Variants in PPM1L observed in about 807,000 individuals in gnomAD.
PPM1L encodes the protein protein phosphatase, Mg2+/Mn2+ dependent 1L, also known as protein phosphatase 1L.
In PPM1L, 13 loss-of-function variants were observed where a neutral mutation model predicts 31.4. The observed-to-expected ratio is 0.41, with a 90% CI of 0.27 to 0.66. The LOEUF (loss-of-function observed/expected upper bound fraction) is 0.66, where lower values mean the gene tolerates loss of function less well. Among genes scored for constraint, PPM1L ranks in the 30% least tolerant of loss-of-function variants. The probability of loss-of-function intolerance (pLI) is 0.29; values close to 1 mark genes in which losing one functional copy is unlikely to be tolerated. For synonymous variants in PPM1L, 184 were observed against 175.4 expected, an observed-to-expected ratio of 1.05 and a Z score of -0.39; for missense variants, 326 against 453.7, an observed-to-expected ratio of 0.72 and a Z score of 2.56.
intron 1 of PPM1L, among the ~76,000 whole-genome samples, chr3:160,910,071 G>A (rs1344044664): frequency 2.0e-5 from 3 of 152,124 alleles, no homozygotes; most frequent in Non-Finnish European, 2.9e-5. Context: ...TGAAAGAAGG[G>A]TCTGGCTGTT....
rs1356102310 is a variant in PPM1L at position 161,077,101 on chromosome 3, A to G, written c.*7944A>G. The G allele has an allele frequency of 1.3e-5, 2 of 152,232 alleles. No homozygotes were observed. The highest frequency in any genetic ancestry group is 2.9e-5 in the Non-Finnish European group (2 of 68,044). 9.4% of individuals were successfully genotyped at this position (152,232 alleles called of 1,614,324 possible). A position where few individuals can be genotyped will look rare whatever the true frequency, so the allele number is the denominator to read the frequency against. On this transcript the variant is annotated 3_prime_UTR_variant, in exon 4 of 4. Coordinates refer to ENST00000498165, the MANE Select transcript of PPM1L (RefSeq NM_139245.4). Reference sequence around the variant, plus strand: ...ACCCTATTGGGGTGTCAGAGATATTATAACACTCAATATTGACCCAATGGG... The same window carrying G: ...ACCCTATTGGGGTGTCAGAGATATTGTAACACTCAATATTGACCCAATGGG...
At chr3:160,917,125 A>G (rs1252361738) in intron 1 of PPM1L, among the ~76,000 whole-genome samples, 1 of 152,182 alleles carries the variant, frequency 6.6e-6, no homozygotes, top group Non-Finnish European at 1.5e-5. Flanking sequence ...GTCTTCCACA[A>G]CTTCATGTAA....
intron 1 of PPM1L, among the ~76,000 whole-genome samples, chr3:160,953,297 T>C (rs545798793): frequency 6.6e-6 from 1 of 152,322 alleles, no homozygotes; most frequent in East Asian, 1.9e-4. Context: ...ATAAAATTGC[T>C]TACTATTCAC....
chr3:161,045,489 A>G (rs1327660705), intron 2 of PPM1L, among the ~76,000 whole-genome samples: 2 of 152,234 alleles, frequency 1.3e-5, no homozygotes, highest in African/African-American at 4.8e-5. Flanking sequence ...GTTCAACTAC[A>G]TGGAAACTGA....
At chr3:160,882,064 A>AG (rs1712740638) in intron 1 of PPM1L, among the ~76,000 whole-genome samples, 1 of 151,954 alleles carries the variant, frequency 6.6e-6, no homozygotes. Flanking sequence ...AAAAAAAAAA[A>AG]AGTATGTATT....
At chr3:160,845,125 T>A (rs1439340203) in intron 1 of PPM1L, among the ~76,000 whole-genome samples, 1 of 152,198 alleles carries the variant, frequency 6.6e-6, no homozygotes, top group Non-Finnish European at 1.5e-5. Context: ...AATATGAATA[T>A]ATAAGATTTT....
chr3:160,946,878 C>G (rs1715426920), intron 1 of PPM1L, among the ~76,000 whole-genome samples: 1 of 152,136 alleles, frequency 6.6e-6, no homozygotes, highest in Non-Finnish European at 1.5e-5. Flanking sequence ...TCAATTGATG[C>G]TATTTTAGCC....
chr3:160,777,058 C>T (rs746264771), intron 1 of PPM1L, among the ~76,000 whole-genome samples: 1 of 151,942 alleles, frequency 6.6e-6, no homozygotes, highest in East Asian at 1.9e-4. Context: ...CATGGTGGCT[C>T]ATGCCTGTAA....
intron 1 of PPM1L, among the ~76,000 whole-genome samples, chr3:160,817,343 T>C (rs1713028431): frequency 6.6e-6 from 1 of 152,000 alleles, no homozygotes; most frequent in Non-Finnish European, 1.5e-5. Flanking sequence ...AAGGACAAAA[T>C]GGACTGGAAG....
chr3:160,941,993 A>C (rs1045744914), intron 1 of PPM1L, among the ~76,000 whole-genome samples: 1 of 152,232 alleles, frequency 6.6e-6, no homozygotes, highest in African/African-American at 2.4e-5. Flanking sequence ...ACAGTTGCTC[A>C]TGTAGTAGAC....
rs570447834 is a variant in PPM1L, at chr3:161,070,960, T to C, written c.*1803T>C. ...TTGCTTACTTTTGTATACTGTATTTTCCAGCATTACAGAACCTTGGTTATT... is the reference window on the plus strand; with the variant it reads ...TTGCTTACTTTTGTATACTGTATTTCCCAGCATTACAGAACCTTGGTTATT... On this transcript the variant is annotated 3_prime_UTR_variant, in exon 4 of 4. Transcript: ENST00000498165. The C allele has an allele frequency of 9.8e-5, 15 of 152,346 alleles. No homozygotes were observed. Among genetic ancestry groups the C allele is most frequent in the African/African-American group, 3.6e-4 (15 of 41,570 alleles). 9.4% of individuals were successfully genotyped at this position (152,346 alleles called of 1,614,324 possible).
chr3:160,798,603 A>G (rs1712330926), intron 1 of PPM1L, among the ~76,000 whole-genome samples: 1 of 152,188 alleles, frequency 6.6e-6, no homozygotes, highest in Non-Finnish European at 1.5e-5. Flanking sequence ...ATTGCTCAGA[A>G]AAAAAGATTT....
chr3:161,027,805 A>G (rs931430977), intron 2 of PPM1L, among the ~76,000 whole-genome samples: 2 of 152,202 alleles, frequency 1.3e-5, no homozygotes, highest in Non-Finnish European at 2.9e-5. Flanking sequence ...TTGCAAAAAG[A>G]GAACTGAATA....
chr3:160,771,435 G>A (rs963245452), intron 1 of PPM1L, among the ~76,000 whole-genome samples: 4 of 150,568 alleles, frequency 2.7e-5, no homozygotes, highest in East Asian at 2.0e-4. Flanking sequence ...TAGAAATGGG[G>A]TTTCACCATG....
intron 1 of PPM1L, among the ~76,000 whole-genome samples, chr3:160,845,313 AT>A (rs1714042898): frequency 6.6e-6 from 1 of 152,092 alleles, no homozygotes; most frequent in Admixed American, 6.5e-5. Context: ...AGAAATGCCT[AT>A]TCAGAGTCTT....
intron 2 of PPM1L, among the ~76,000 whole-genome samples, chr3:160,994,095 T>G (rs1717226504): frequency 6.6e-6 from 1 of 152,104 alleles, no homozygotes; most frequent in Admixed American, 6.6e-5. Context: ...CTCTATTAAT[T>G]CATGAATAAA....
At chr3:160,903,791 T>C (rs1197024152) in intron 1 of PPM1L, among the ~76,000 whole-genome samples, 1 of 151,142 alleles carries the variant, frequency 6.6e-6, no homozygotes, top group Non-Finnish European at 1.5e-5. Context: ...TCTAGGCGTC[T>C]ATATTCCAAT....
chr3:160,831,183 G>A (rs1713516106), intron 1 of PPM1L, among the ~76,000 whole-genome samples: 1 of 152,198 alleles, frequency 6.6e-6, no homozygotes. Flanking sequence ...AAAAATCAGT[G>A]ATGAGTTGGA....
intron 1 of PPM1L, among the ~76,000 whole-genome samples, chr3:160,820,278 T>G (rs1713155449): frequency 6.6e-6 from 1 of 152,106 alleles, no homozygotes; most frequent in African/African-American, 2.4e-5. Context: ...AAATCATCCT[T>G]GGTTTATTTG....
Sources: allele counts gnomAD v4.1 joint callset (sites outside exome capture counted in the v4.1 genomes callset), GRCh38; gene constraint gnomAD v4.1.1; transcripts MANE v1.5; gene names NCBI Gene and HGNC (gene_info 2026-07-23, HGNC 2026-07-21).